RBMS3: variants seen among roughly 807,000 people sequenced by gnomAD.
RBMS3 encodes RNA binding motif single stranded interacting protein 3.
Under a neutral mutation model 66.8 loss-of-function variants are expected in RBMS3, and 27 were observed. The ratio of observed to expected loss-of-function variants is 0.40; its 90% confidence interval spans 0.30 to 0.56. The LOEUF (loss-of-function observed/expected upper bound fraction) is 0.56. Among genes scored for constraint, RBMS3 ranks in the 20% least tolerant of loss-of-function variants. RBMS3 has a pLI of 0.40. For synonymous variants in RBMS3, 188 were observed against 183.0 expected (o/e 1.03, Z -0.22); for missense variants, 513 against 549.5 (o/e 0.93, Z 0.66).
chr3:29,779,011 G>A (rs1479077143), intron 6 of RBMS3, among the ~76,000 whole-genome samples: 1 of 151,772 alleles, frequency 6.6e-6, no homozygotes, highest in Admixed American at 6.6e-5. Context: ...TTAATATCCT[G>A]TATTGGGTTA....
intron 4 of RBMS3, among the ~76,000 whole-genome samples, chr3:29,729,690 T>A (rs2054046608): frequency 6.6e-6 from 1 of 152,212 alleles, no homozygotes; most frequent in Non-Finnish European, 1.5e-5. Context: ...CTAACTGGCA[T>A]GAGATGGTAT....
In RBMS3 at chr3:29,595,438, C is replaced by G. The variant is rs1019812313; in HGVS notation, c.399+8233C>G. ...AAAGAAAAGAAAGAAAGAAAAGAAA[C>G]ATCAACACTTTCAAACTTTCATCCT... is the stretch of plus-strand genomic sequence containing the variant. On this transcript the variant is annotated intron_variant, in intron 4 of 14. Transcript: ENST00000383767. Among the ~76,000 whole-genome samples, 6 of 144,932 alleles carry G rather than the reference C, an allele frequency of 4.1e-5. 1 individual carries two copies. In the South Asian group the frequency reaches 1.1e-3, roughly 27 times the overall value.
chr3:29,866,077 T>TTAAAAA (rs749178191), intron 6 of RBMS3, among the ~76,000 whole-genome samples: 2 of 105,578 alleles, frequency 1.9e-5, no homozygotes, highest in African/African-American at 7.7e-5. Context: ...CACCAAATAC[T>TTAAAAA]AAAAAAAAAA....
intron 6 of RBMS3, among the ~76,000 whole-genome samples, chr3:29,836,781 CTATATA>C (rs34553455): frequency 6.8e-6 from 1 of 146,028 alleles, no homozygotes; most frequent in Non-Finnish European, 1.5e-5. Context: ...AACCATTTCA[CTATATA>C]TATATATATA....
At chr3:29,714,694 G>A (rs1190247507) in intron 4 of RBMS3, among the ~76,000 whole-genome samples, 2 of 151,928 alleles carry the variant, frequency 1.3e-5, no homozygotes, top group Non-Finnish European at 2.9e-5. Context: ...ATGTAAGGTA[G>A]GATTAGGTTG....
At chr3:29,431,317 A>ATTTTTT (rs2041188070) in intron 1 of RBMS3, among the ~76,000 whole-genome samples, 1 of 18,856 alleles carries the variant, frequency 5.3e-5, no homozygotes, top group Admixed American at 5.9e-4. Context: ...TTTTTTTGAC[A>ATTTTTT]GAGTCTCACT....
intron 10 of RBMS3, among the ~76,000 whole-genome samples, chr3:29,922,971 G>A (rs2060833238): frequency 6.6e-6 from 1 of 152,196 alleles, no homozygotes; most frequent in Admixed American, 6.5e-5. Flanking sequence ...ACTAATTGAA[G>A]TGGTACTGAG....
At chr3:29,582,123 C>T (rs2047348543) in intron 3 of RBMS3, among the ~76,000 whole-genome samples, 1 of 151,632 alleles carries the variant, frequency 6.6e-6, no homozygotes, top group Admixed American at 6.6e-5. Flanking sequence ...ACCATCTGGA[C>T]ACTACTATTC....
intron 6 of RBMS3, among the ~76,000 whole-genome samples, chr3:29,837,178 A>C (rs1375675878): frequency 6.6e-6 from 1 of 152,028 alleles, no homozygotes; most frequent in East Asian, 1.9e-4. Context: ...GATAGTTCCA[A>C]CACAGGTGAT....
chr3:29,386,125 A>G (rs1386444401), intron 1 of RBMS3, among the ~76,000 whole-genome samples: 1 of 152,050 alleles, frequency 6.6e-6, no homozygotes, highest in African/African-American at 2.4e-5. Context: ...ATTATGGTAT[A>G]TCCAATTGAC....
At chr3:29,458,907 C>A (rs2042281890) in intron 2 of RBMS3, among the ~76,000 whole-genome samples, 5 of 152,128 alleles carry the variant, frequency 3.3e-5, no homozygotes. Flanking sequence ...AGTGTTATAT[C>A]TTCTTTTATT....
chr3:30,003,193 A>C (rs1699686947), intron 14 of RBMS3, among the ~76,000 whole-genome samples: 1 of 152,060 alleles, frequency 6.6e-6, no homozygotes, highest in African/African-American at 2.4e-5. Flanking sequence ...CTTGCAACAT[A>C]GAAGGGGCAG....
chr3:29,311,679 C>A (rs978640561), intron 1 of RBMS3, among the ~76,000 whole-genome samples: 2 of 151,686 alleles, frequency 1.3e-5, no homozygotes, highest in African/African-American at 4.8e-5. Context: ...GAGTAATAGG[C>A]GTAAGAGCAT....
chr3:29,399,759 C>A (rs2039722539), intron 1 of RBMS3, among the ~76,000 whole-genome samples: 1 of 152,044 alleles, frequency 6.6e-6, no homozygotes. Flanking sequence ...TTCAATTATG[C>A]CTTGTTGGCT....
chr3:29,625,739 A>ACTGAATAT (rs1553633476), intron 4 of RBMS3, among the ~76,000 whole-genome samples: 1 of 150,102 alleles, frequency 6.7e-6, no homozygotes, highest in Admixed American at 6.6e-5. Context: ...TAAATAAATA[A>ACTGAATAT]AAATAATCTT....
chr3:29,495,565 G>A (rs187230214), intron 3 of RBMS3, among the ~76,000 whole-genome samples: 52 of 151,464 alleles, frequency 3.4e-4, no homozygotes, highest in Admixed American at 6.6e-4. Flanking sequence ...ACAGGTGCGC[G>A]CCACCATGCC....
rs527400870 is a variant in RBMS3, at chr3:29,997,590, C to T, written c.1308-6266C>T. Among the ~76,000 whole-genome samples, 101 of 151,136 alleles carry T rather than the reference C, an allele frequency of 6.7e-4. 1 individual carries two copies. Among genetic ancestry groups the T allele is most frequent in the South Asian group, 6.6e-3 (31 of 4,704 alleles). Reference sequence around the variant, plus strand: ...CCACCATGATCAAGTGGGCTTCATCCCTGGGAGGCAAGGCTGGTTCAATAT... The same window carrying T: ...CCACCATGATCAAGTGGGCTTCATCTCTGGGAGGCAAGGCTGGTTCAATAT... On this transcript the variant is annotated intron_variant, in intron 14 of 14. Transcript: ENST00000383767.
chr3:29,730,943 G>A (rs778463867), intron 4 of RBMS3: 7 of 985,286 alleles, frequency 7.1e-6, no homozygotes, highest in Non-Finnish European at 8.4e-6. Context: ...AAGTTCATGA[G>A]GTGTATATGG....
intron 6 of RBMS3, among the ~76,000 whole-genome samples, chr3:29,837,663 CATATATATAT>C (rs3070797): frequency 0.014 from 931 of 67,614 alleles, 15 homozygotes; most frequent in East Asian, 0.055. Flanking sequence ...ATATAATGAA[CATATATATAT>C]ATATATATAT....
Sources: allele counts gnomAD v4.1 joint callset (sites outside exome capture counted in the v4.1 genomes callset), GRCh38; gene constraint gnomAD v4.1.1; transcripts MANE v1.5; gene names NCBI Gene and HGNC (gene_info 2026-07-23, HGNC 2026-07-21).